Variants in TTC21B observed in about 807,000 individuals in gnomAD.
TTC21B encodes the protein tetratricopeptide repeat protein 21B.
TTC21B carries 127 observed loss-of-function variants against 175.1 expected under a neutral mutation model. The observed-to-expected ratio is 0.73, with a 90% CI of 0.63 to 0.84. TTC21B has a LOEUF of 0.84. TTC21B is among the 40% of genes least tolerant of loss of function. The pLI is 0.00. For missense variants in TTC21B, 1,561 were observed against 1,558.3 expected (o/e 1.00, Z -0.03); for synonymous variants, 524 against 524.5 (o/e 1.00, Z 0.01).
chr2:165,914,602 T>G (rs931145357), intron 15 of TTC21B, among the ~76,000 whole-genome samples: 1 of 149,948 alleles, frequency 6.7e-6, no homozygotes, highest in East Asian at 2.0e-4. Flanking sequence ...TTCTCTTACA[T>G]AGAGTGTATG....
At chr2:165,885,371 A>G (rs1413852584) in intron 25 of TTC21B, among the ~76,000 whole-genome samples, 1 of 151,962 alleles carries the variant, frequency 6.6e-6, no homozygotes, top group Non-Finnish European at 1.5e-5. Flanking sequence ...AACAGCTTTT[A>G]GAAATATAAA....
Position 165,915,254 on chromosome 2 carries a change from T to C in TTC21B, c.2085A>G (p.Ala695=). Residue 695 remains alanine (A), a synonymous_variant, in exon 15 of 29, where the codon GCA becomes GCG. Transcript: ENST00000243344. The part of the protein sequence containing the change: ...PYFIEAREKM[A]DIYLKHRKDK... ...CTTTTCTGTGCTTCAGATAAATATC[T>C]GCCATTTTTTCTCTGGCCTCTATAA... The C allele has an allele frequency of 1.2e-6, 2 of 1,614,144 alleles. No individual in the cohort carries two copies. The highest frequency in any genetic ancestry group is 1.7e-6 in the Non-Finnish European group (2 of 1,179,980).
chr2:165,945,690 T>C lies in TTC21B; in HGVS notation c.263A>G (p.Asp88Gly). The change falls in exon 4 of 29, where the codon GAT becomes GGT. Residue 88 changes from aspartate to glycine, a missense_variant and splice_region_variant. Coordinates refer to ENST00000243344, the MANE Select transcript of TTC21B (RefSeq NM_024753.5). ...ATCTGATTCCAGAATAGCTTCTCTA[T>C]CTGGTAGGGGAAAATGATATTAAAT... Reference protein sequence around the residue: ...IYAHKMSPNPDREAILESDAR... With the variant: ...IYAHKMSPNPGREAILESDAR... 1.2e-6 allele frequency: 2 copies of C among 1,612,904 alleles called. No homozygotes were observed. Among genetic ancestry groups the C allele is most frequent in the South Asian group, 1.1e-5 (1 of 90,954 alleles).
In TTC21B at chr2:165,884,153, A is replaced by G. The variant is rs16851211; in HGVS notation, c.3460-135T>C. ...AGCTCCATTACAGATAACTGTGATT[A>G]CAGGTCATTATTTAACACATCAAGT... On this transcript the variant is annotated intron_variant, in intron 25 of 28. Transcript: ENST00000243344. 0.017 allele frequency: 13,248 copies of G among 763,038 alleles called. 521 individuals carry two copies. The highest frequency in any genetic ancestry group is 0.12 in the Admixed American group (5,614 of 48,448). 47.3% of individuals were successfully genotyped at this position (763,038 alleles called of 1,614,324 possible). A position where few individuals can be genotyped will look rare whatever the true frequency, so the allele number is the denominator to read the frequency against.
Position 165,913,719 on chromosome 2 carries a change from A to G in TTC21B, c.2139-73T>C, listed in dbSNP as rs951154737. Reference sequence around the variant, plus strand: ...CTTCCAAAAATAAAATAAAATAAAAAATAAGCTCCCTTATTTTAGTTAGCC... The same window carrying G: ...CTTCCAAAAATAAAATAAAATAAAAGATAAGCTCCCTTATTTTAGTTAGCC... On this transcript the variant is annotated intron_variant, in intron 15 of 28. Transcript: ENST00000243344. The G allele has an allele frequency of 3.1e-5, 40 of 1,289,026 alleles. No individual in the cohort carries two copies. In the African/African-American group the frequency reaches 4.2e-4, roughly 13 times the overall value. The allele number at this position is 1,289,026 out of a possible 1,614,324, so 79.8% of individuals were successfully genotyped here.
At chr2:165,900,178 C>T (rs929622431) in intron 20 of TTC21B, among the ~76,000 whole-genome samples, 4 of 151,958 alleles carry the variant, frequency 2.6e-5, no homozygotes, top group Non-Finnish European at 5.9e-5. Flanking sequence ...AGTCCCATAA[C>T]GGGGCCAAGT....
chr2:165,953,558 CG>C, intron 1 of TTC21B, 126 bp downstream of exon 1: 1 of 1,468,628 alleles, frequency 6.8e-7, no homozygotes, highest in Non-Finnish European at 9.2e-7. Context: ...CCCGAGCAGC[CG>C]GGGCACCGCA....
chr2:165,890,846 C>T lies in TTC21B; in HGVS notation c.3093G>A (p.Leu1031=). ...TTTGTAAATAGATTTACCAAAGATA[C>T]AGTCCTTTACAATACTGAAATCCTG... ...LEPGFQYCKG[L]YLWYTGEPND... Residue 1031 remains leucine (L), a synonymous_variant, in exon 23 of 29, where the codon CTG becomes CTA. Coordinates refer to ENST00000243344, the MANE Select transcript of TTC21B (RefSeq NM_024753.5). 3.1e-6 allele frequency: 5 copies of T among 1,612,822 alleles called. No individual in the cohort carries two copies. Among genetic ancestry groups the T allele is most frequent in the Non-Finnish European group, 4.2e-6 (5 of 1,179,364 alleles).
intron 19 of TTC21B, 55 bp from the exon 20 acceptor site, chr2:165,901,965 C>T (rs1230277896): frequency 5.7e-5 from 80 of 1,414,286 alleles, no homozygotes; most frequent in South Asian, 3.5e-4. Flanking sequence ...TTAAATTCTC[C>T]GTAACTCACA....
At chr2:165,898,804 T>C (rs758099466) in intron 21 of TTC21B, 37 bp from the exon 22 acceptor site, 10 of 1,254,580 alleles carry the variant, frequency 8.0e-6, no homozygotes, top group Non-Finnish European at 1.2e-5. Context: ...AATATTGCCA[T>C]GTATTTTACA....
At chr2:165,948,374 T>C (rs1309658179) in intron 3 of TTC21B, 1 of 152,260 alleles carries the variant, frequency 6.6e-6, no homozygotes, top group Non-Finnish European at 1.5e-5. Flanking sequence ...CTTATTAGAA[T>C]TCTTTTGTAG....
At position 165,941,189 on chromosome 2, in the gene TTC21B, T is replaced by A; in HGVS notation, c.553-5A>T. ...GCGCATCTCAAGGCATTGTGCCTAA[T>A]GGAAGGGAAAAAAAGTGATATCCAA... On this transcript the variant is annotated splice_polypyrimidine_tract_variant and splice_region_variant and intron_variant, in intron 5 of 28. Coordinates refer to ENST00000243344, the MANE Select transcript of TTC21B (RefSeq NM_024753.5). 6.2e-7 allele frequency: 1 copy of A among 1,613,818 alleles called. No homozygotes were observed. Among genetic ancestry groups the A allele is most frequent in the Non-Finnish European group, 8.5e-7 (1 of 1,179,778 alleles).
chr2:165,916,346 T>A (rs185021732), intron 14 of TTC21B, among the ~76,000 whole-genome samples: 9 of 152,220 alleles, frequency 5.9e-5, no homozygotes, highest in African/African-American at 1.2e-4. Context: ...CATTAAAATA[T>A]GAAAAATAAG....
At position 165,915,325 on chromosome 2, in the gene TTC21B, G is replaced by C; in HGVS notation, c.2014C>G (p.Arg672Gly). ...ACATTCTGAAGGATGCTTAAAGCCC[G>C]TTCAATATCTCCTTGGGCTAGAGCA... ...DLALAQGDIE[R>G]ALSILQNVTA... is the part of the protein sequence containing the mutation. Residue 672 changes from arginine (R) to glycine (G), a missense_variant, in exon 15 of 29, where the codon CGG (arginine) becomes GGG (glycine). Physicochemically the swap from Arg to Gly is moderately radical, Grantham distance 125. Coordinates refer to ENST00000243344, the MANE Select transcript of TTC21B (RefSeq NM_024753.5). The C allele has an allele frequency of 6.2e-7, 1 of 1,614,040 alleles. No homozygotes were observed. The highest frequency in any genetic ancestry group is 1.7e-4 in the Middle Eastern group (1 of 6,058).
intron 22 of TTC21B, among the ~76,000 whole-genome samples, chr2:165,897,193 G>T (rs773559327): frequency 1.3e-5 from 2 of 152,116 alleles, no homozygotes; most frequent in Non-Finnish European, 2.9e-5. Context: ...AATTTTCAGG[G>T]GTATCTCTGC....
intron 5 of TTC21B, 45 bp from the exon 6 acceptor site, chr2:165,941,229 T>C: frequency 6.2e-7 from 1 of 1,602,882 alleles, no homozygotes; most frequent in Non-Finnish European, 8.5e-7. Flanking sequence ...TGATCTTTCA[T>C]ATCAAAGTTC....
chr2:165,942,585 T>C (rs558535514), intron 5 of TTC21B, among the ~76,000 whole-genome samples: 4 of 152,254 alleles, frequency 2.6e-5, no homozygotes, highest in African/African-American at 9.6e-5. Context: ...TCTGTTCTCT[T>C]TACTCAACCC....
At chr2:165,882,177 T>C (rs1311061365) in intron 26 of TTC21B, among the ~76,000 whole-genome samples, 2 of 152,182 alleles carry the variant, frequency 1.3e-5, no homozygotes, top group Non-Finnish European at 2.9e-5. Flanking sequence ...CATCCATATA[T>C]AAATTTATCA....
At chr2:165,927,136 A>C (rs183978552) in intron 11 of TTC21B, among the ~76,000 whole-genome samples, 472 of 44,446 alleles carry the variant, frequency 0.011, 117 homozygotes, top group Non-Finnish European at 0.018. Flanking sequence ...ATATATATAT[A>C]TCCTAGTAGT....
Sources: gnomAD v4.1 joint callset for allele counts (sites outside exome capture counted in the v4.1 genomes callset) on GRCh38, gnomAD v4.1.1 for gene constraint, MANE v1.5 for transcripts, NCBI Gene and HGNC (gene_info 2026-07-23, HGNC 2026-07-21) for gene names.